ABCC2: variants seen among roughly 807,000 people sequenced by gnomAD.
ABCC2 encodes ATP-binding cassette sub-family C member 2.
In ABCC2, 157 loss-of-function variants were observed where a neutral mutation model predicts 173.4. That is an observed-to-expected ratio of 0.91 (90% CI 0.80 to 1.03). The LOEUF (loss-of-function observed/expected upper bound fraction) is 1.03. ABCC2 is among the 50% of genes least tolerant of loss of function. ABCC2 has a pLI of 0.00. For missense variants in ABCC2, 1,822 were observed against 1,852.3 expected, an observed-to-expected ratio of 0.98 and a Z score of 0.30; for synonymous variants, 657 against 693.5, an observed-to-expected ratio of 0.95 and a Z score of 0.83.
At chr10:99,789,941 C>A (rs1442784361) in intron 2 of ABCC2, among the ~76,000 whole-genome samples, 2 of 152,146 alleles carry the variant, frequency 1.3e-5, no homozygotes, top group African/African-American at 2.4e-5. Context: ...CACAAAAGGT[C>A]TGCTTCTTTC....
intron 23 of ABCC2, 23 bp from the exon 24 acceptor site, chr10:99,834,357 A>C (rs768901440): frequency 6.2e-7 from 1 of 1,613,360 alleles, no homozygotes; most frequent in Admixed American, 1.7e-5. Flanking sequence ...GTGATGGTGT[A>C]TCTCTCCTAA....
rs765935481 is a variant in ABCC2 at position 99,782,802 on chromosome 10, A to G, written c.-43A>G. 9.8e-5 allele frequency: 157 copies of G among 1,605,278 alleles called. No homozygotes were observed. Among genetic ancestry groups the G allele is most frequent in the Admixed American group, 8.8e-4 (53 of 59,996 alleles). ...CAAGTAAAGAAGAAACAACACAATC[A>G]TATTAATAGAAGAGTCTTCGTTCCA... On this transcript the variant is annotated 5_prime_UTR_variant, in exon 1 of 32. Coordinates refer to ENST00000647814, the MANE Select transcript of ABCC2 (RefSeq NM_000392.5).
In ABCC2 at chr10:99,814,442, CAT is replaced by C. The variant is rs1291766609; in HGVS notation, c.2094+1301_2094+1302del. On this transcript the variant is annotated intron_variant, in intron 16 of 31. Transcript: ENST00000647814. Reference sequence around the variant, plus strand: ...ATGTGTGCATATATGTGTATACACACATATGTGTGTATATACATACACACATA... The same window carrying C: ...ATGTGTGCATATATGTGTATACACACATGTGTGTATATACATACACACATA... Among the ~76,000 whole-genome samples the C allele has an allele frequency of 1.8e-4, 19 of 106,334 alleles. 2 individuals are homozygous for C. The highest frequency in any genetic ancestry group is 8.1e-4 in the Admixed American group (9 of 11,176). 69.8% of individuals were successfully genotyped at this position (106,334 alleles called of 152,430 possible).
At position 99,807,622 on chromosome 10, in the gene ABCC2, C is replaced by T. The variant is rs994387985; in HGVS notation, c.1668+101C>T. ...TGATAGACTAGCTGGCATCTCTAGG[C>T]CTGACCGCAAGATCCAGGGGACTTG... is the stretch of plus-strand genomic sequence containing the variant. On this transcript the variant is annotated intron_variant, in intron 12 of 31. Transcript: ENST00000647814. The T allele has an allele frequency of 7.2e-6, 11 of 1,536,564 alleles. No individual in the cohort carries two copies. In the African/African-American group the frequency reaches 1.4e-4, roughly 19 times the overall value.
intron 6 of ABCC2, 135 bp downstream of exon 6, chr10:99,794,603 G>T (rs1234999281): frequency 5.9e-6 from 5 of 845,274 alleles, no homozygotes; most frequent in Non-Finnish European, 9.2e-6. Context: ...GGAGTGCAAT[G>T]GTGTGATCTT....
chr10:99,822,083 C>A (rs1479875199), intron 19 of ABCC2, among the ~76,000 whole-genome samples: 1 of 152,288 alleles, frequency 6.6e-6, no homozygotes, highest in East Asian at 1.9e-4. Context: ...GGGCCAGGTA[C>A]CCATACGCTA....
chr10:99,794,824 A>T (rs2037871156), intron 6 of ABCC2, among the ~76,000 whole-genome samples: 1 of 152,178 alleles, frequency 6.6e-6, no homozygotes, highest in South Asian at 2.1e-4. Flanking sequence ...TACAGGCATG[A>T]GCTACAGCGC....
At position 99,851,726 on chromosome 10, in the gene ABCC2, A is replaced by G. The variant is rs2039090830; in HGVS notation, c.*95A>G. 1 of 1,249,008 alleles carries G rather than the reference A, an allele frequency of 8.0e-7. No individual in the cohort carries two copies. Among genetic ancestry groups the G allele is most frequent in the Middle Eastern group, 2.7e-4 (1 of 3,756 alleles). 77.4% of individuals were successfully genotyped at this position (1,249,008 alleles called of 1,614,324 possible). ...ACAGAATACATACAAAAGTGTGTAT[A>G]AAATGTACGTTTTAAAAAAGGATAA... On this transcript the variant is annotated 3_prime_UTR_variant, in exon 32 of 32. Transcript: ENST00000647814.
Position 99,814,747 on chromosome 10 carries a change from A to G in ABCC2, c.2094+1603A>G, listed in dbSNP as rs144088181. Among the ~76,000 whole-genome samples the G allele has an allele frequency of 7.4e-4, 105 of 141,970 alleles. 1 individual carries two copies. The highest frequency in any genetic ancestry group is 1.2e-3 in the Non-Finnish European group (81 of 64,908). 93.1% of individuals were successfully genotyped at this position (141,970 alleles called of 152,430 possible). A position where few individuals can be genotyped will look rare whatever the true frequency, so the allele number is the denominator to read the frequency against. ...CATATGTGTGTGTATGTGTATATGT[A>G]TGTATATACACACACATATATGTGT... On this transcript the variant is annotated intron_variant, in intron 16 of 31. Transcript: ENST00000647814.
Position 99,819,091 on chromosome 10 carries a change from T to G in ABCC2, c.2442T>G (p.Thr814=). Reference sequence around the variant, plus strand: ...ACAACTTCATATTATTTTTATAGACTCGACTCTTGGTTACACATAGCATGC... The same window carrying G: ...ACAACTTCATATTATTTTTATAGACGCGACTCTTGGTTACACATAGCATGC... The part of the protein sequence containing the change: ...LGPNGLLKGK[T]RLLVTHSMHF... The change falls in exon 19 of 32, where the codon ACT becomes ACG. Residue 814 remains threonine (T), a splice_region_variant and synonymous_variant. Coordinates refer to ENST00000647814, the MANE Select transcript of ABCC2 (RefSeq NM_000392.5). 1 of 1,614,110 alleles carries G rather than the reference T, an allele frequency of 6.2e-7. No homozygotes were observed.
At chr10:99,801,020 C>T (rs2038007424) in intron 9 of ABCC2, among the ~76,000 whole-genome samples, 1 of 152,142 alleles carries the variant, frequency 6.6e-6, no homozygotes, top group South Asian at 2.1e-4. Context: ...TGCAGTCTTG[C>T]CGGAGCTCCA....
At chr10:99,787,739 G>A (rs1044919341) in intron 2 of ABCC2, among the ~76,000 whole-genome samples, 4 of 151,982 alleles carry the variant, frequency 2.6e-5, no homozygotes, top group African/African-American at 9.7e-5. Context: ...CTTTTGAACG[G>A]ATAATTCTCA....
intron 9 of ABCC2, among the ~76,000 whole-genome samples, chr10:99,801,041 C>T (rs978508048): frequency 1.3e-5 from 2 of 152,160 alleles, no homozygotes; most frequent in African/African-American, 4.8e-5. Context: ...CCTCCCCAGA[C>T]CAAATTTCAC....
intron 19 of ABCC2, among the ~76,000 whole-genome samples, chr10:99,827,513 G>A (rs1044694288): frequency 4.6e-5 from 7 of 151,856 alleles, no homozygotes; most frequent in Non-Finnish European, 8.8e-5. Flanking sequence ...GAACTGAAAC[G>A]CTATCTTCTT....
chr10:99,813,287 T>A, intron 16 of ABCC2, 143 bp downstream of exon 16: 5 of 1,186,070 alleles, frequency 4.2e-6, no homozygotes, highest in Non-Finnish European at 6.0e-6. Flanking sequence ...TGATTCTCCT[T>A]CCCATTTCAG....
chr10:99,805,729 A>T (rs2038088828), intron 11 of ABCC2, among the ~76,000 whole-genome samples: 3 of 151,946 alleles, frequency 2.0e-5, no homozygotes, highest in African/African-American at 4.9e-5. Context: ...CTTTTCACCC[A>T]GCTCCAGGAA....
rs192259836 is a variant in ABCC2, at chr10:99,794,477, G to C, written c.632+9G>C. On this transcript the variant is annotated intron_variant, in intron 6 of 31. Transcript: ENST00000647814. ...TACAGCTGGTATGACAGGTAGGAAA[G>C]CCTGGAGTATGGATTGGCTGTATCC... The C allele has an allele frequency of 6.2e-7, 1 of 1,610,012 alleles. No individual in the cohort carries two copies. Among genetic ancestry groups the C allele is most frequent in the Admixed American group, 1.7e-5 (1 of 59,978 alleles).
chr10:99,785,667 C>A (rs979477939), intron 2 of ABCC2, among the ~76,000 whole-genome samples: 78 of 151,986 alleles, frequency 5.1e-4, no homozygotes, highest in African/African-American at 1.8e-3. Context: ...TACAGGAGCA[C>A]GCCACCATGT....
Position 99,845,620 on chromosome 10 carries a change from G to C in ABCC2, c.3988-4G>C. On this transcript the variant is annotated splice_region_variant and splice_polypyrimidine_tract_variant and intron_variant, in intron 28 of 31. Transcript: ENST00000647814. Reference sequence around the variant, plus strand: ...ACTAATGTGTAAGGGAACTATATTCGCAGATTGGTGTGGTGGGCAGGACAG... The same window carrying C: ...ACTAATGTGTAAGGGAACTATATTCCCAGATTGGTGTGGTGGGCAGGACAG... 6.2e-7 allele frequency: 1 copy of C among 1,613,842 alleles called. No homozygotes were observed. The highest frequency in any genetic ancestry group is 1.1e-5 in the South Asian group (1 of 91,060).
Sources: allele counts gnomAD v4.1 joint callset (sites outside exome capture counted in the v4.1 genomes callset), GRCh38; gene constraint gnomAD v4.1.1; transcripts MANE v1.5; gene names NCBI Gene and HGNC (gene_info 2026-07-23, HGNC 2026-07-21).